The following ULK4 variants were observed in gnomAD, a reference collection of about 807,000 sequenced individuals.
ULK4 encodes inactive serine/threonine-protein kinase ULK4.
ULK4 carries 133 observed loss-of-function variants against 160.6 expected under a neutral mutation model. That is an observed-to-expected ratio of 0.83 (90% CI 0.72 to 0.96). ULK4 has a LOEUF of 0.96. Ranked by LOEUF, ULK4 falls within the 40% of genes least tolerant of loss-of-function variation. The pLI is 0.00. For synonymous variants in ULK4, 534 were observed against 539.8 expected, an observed-to-expected ratio of 0.99 and a Z score of 0.15; for missense variants, 1,580 against 1,499.5, an observed-to-expected ratio of 1.05 and a Z score of -0.89.
chr3:41,664,270 G>A (rs2035283094), intron 29 of ULK4, among the ~76,000 whole-genome samples: 1 of 152,110 alleles, frequency 6.6e-6, no homozygotes, highest in South Asian at 2.1e-4. Flanking sequence ...TCAGAGACTC[G>A]CTAGAGAATT....
intron 35 of ULK4, among the ~76,000 whole-genome samples, chr3:41,276,142 C>T (rs573078216): frequency 6.6e-6 from 1 of 152,316 alleles, no homozygotes; most frequent in South Asian, 2.1e-4. Context: ...AATGGCTCAC[C>T]TCAAACTGTG....
At chr3:41,791,560 G>C (rs982099931) in intron 20 of ULK4, among the ~76,000 whole-genome samples, 1 of 152,152 alleles carries the variant, frequency 6.6e-6, no homozygotes, top group African/African-American at 2.4e-5. Flanking sequence ...AGAGATGGGA[G>C]GTAGGAATGG....
At chr3:41,590,461 CA>C (rs71075479) in intron 31 of ULK4, among the ~76,000 whole-genome samples, 1,490 of 56,860 alleles carry the variant, frequency 0.026, 13 homozygotes, top group African/African-American at 0.079. Context: ...ACTAAAAATA[CA>C]AAAAAAAAAA....
intron 32 of ULK4, among the ~76,000 whole-genome samples, chr3:41,540,318 G>C (rs2125951821): frequency 6.6e-6 from 1 of 152,222 alleles, no homozygotes; most frequent in East Asian, 1.9e-4. Flanking sequence ...ATAGTTTGCA[G>C]AGAACGATGG....
intron 31 of ULK4, among the ~76,000 whole-genome samples, chr3:41,599,096 C>T (rs146735754): frequency 1.3e-5 from 2 of 152,238 alleles, no homozygotes; most frequent in Non-Finnish European, 2.9e-5. Context: ...CTGACACTTC[C>T]TTTTTCTACC....
At chr3:41,319,225 T>C (rs1023854606) in intron 35 of ULK4, among the ~76,000 whole-genome samples, 4 of 152,098 alleles carry the variant, frequency 2.6e-5, no homozygotes, top group African/African-American at 9.7e-5. Flanking sequence ...CATCTTCGTG[T>C]GGGGGCACTA....
chr3:41,602,285 GGA>G (rs2032126869), intron 31 of ULK4, among the ~76,000 whole-genome samples: 1 of 112,678 alleles, frequency 8.9e-6, no homozygotes, highest in African/African-American at 4.1e-5. Flanking sequence ...GGAAAGGAAA[GGA>G]AAGGAAAGGA....
Position 41,398,283 on chromosome 3 carries a change from G to C in ULK4, c.3493-19C>G. On this transcript the variant is annotated intron_variant, in intron 34 of 36. Coordinates refer to ENST00000301831, the MANE Select transcript of ULK4 (RefSeq NM_017886.4). Reference sequence around the variant, plus strand: ...TAGGAAGCTGAAAATTAACAAATAAGACTATTTAAATTTCCTTGAAGACGG... The same window carrying C: ...TAGGAAGCTGAAAATTAACAAATAACACTATTTAAATTTCCTTGAAGACGG... 1 of 1,605,498 alleles carries C rather than the reference G, an allele frequency of 6.2e-7. No individual in the cohort carries two copies. The highest frequency in any genetic ancestry group is 1.3e-5 in the African/African-American group (1 of 74,182).
intron 21 of ULK4, among the ~76,000 whole-genome samples, chr3:41,781,888 G>A (rs1460515749): frequency 2.6e-5 from 4 of 151,834 alleles, no homozygotes; most frequent in East Asian, 2.0e-4. Context: ...GCAGTGAGCC[G>A]AGATCATGCC....
At chr3:41,897,719 A>G (rs1047580782) in intron 14 of ULK4, among the ~76,000 whole-genome samples, 3 of 152,182 alleles carry the variant, frequency 2.0e-5, no homozygotes, top group African/African-American at 7.2e-5. Flanking sequence ...CCTTCTACAC[A>G]GTTTCTTTTT....
At chr3:41,776,690 T>C (rs2125577268) in intron 21 of ULK4, among the ~76,000 whole-genome samples, 1 of 113,356 alleles carries the variant, frequency 8.8e-6, no homozygotes, top group Admixed American at 8.5e-5. Context: ...CATGTGGTTT[T>C]TGTCTTTGGC....
At chr3:41,268,348 T>C (rs983440525) in intron 35 of ULK4, among the ~76,000 whole-genome samples, 29 of 152,146 alleles carry the variant, frequency 1.9e-4, no homozygotes, top group African/African-American at 6.3e-4. Flanking sequence ...TCTCCTGAGG[T>C]TGAAGTCTTG....
At chr3:41,744,147 AG>A (rs1559522367) in intron 22 of ULK4, among the ~76,000 whole-genome samples, 1 of 151,926 alleles carries the variant, frequency 6.6e-6, no homozygotes, top group Non-Finnish European at 1.5e-5. Context: ...ACCCAAAGAA[AG>A]GTAAGTAAAG....
chr3:41,654,951 A>G (rs2034873858), intron 30 of ULK4, among the ~76,000 whole-genome samples: 1 of 152,210 alleles, frequency 6.6e-6, no homozygotes, highest in South Asian at 2.1e-4. Flanking sequence ...TCTCACTGTG[A>G]GGCTTTTCAA....
chr3:41,320,747 T>C (rs906600085), intron 35 of ULK4, among the ~76,000 whole-genome samples: 1 of 145,042 alleles, frequency 6.9e-6, no homozygotes, highest in Non-Finnish European at 1.5e-5. Context: ...TGAAACCCTG[T>C]CTCTGCTATA....
intron 25 of ULK4, among the ~76,000 whole-genome samples, chr3:41,712,383 A>G (rs1049761018): frequency 1.3e-5 from 2 of 152,178 alleles, no homozygotes; most frequent in Admixed American, 6.5e-5. Context: ...CCAGCAGCTC[A>G]TGAAGAGCTG....
chr3:41,934,493 T>A (rs556345658), intron 4 of ULK4, among the ~76,000 whole-genome samples: 6 of 152,194 alleles, frequency 3.9e-5, no homozygotes, highest in African/African-American at 1.4e-4. Flanking sequence ...ATAAACACAA[T>A]AACTGACATC....
chr3:41,586,712 T>A (rs2030833822), intron 31 of ULK4, among the ~76,000 whole-genome samples: 1 of 152,074 alleles, frequency 6.6e-6, no homozygotes, highest in Non-Finnish European at 1.5e-5. Flanking sequence ...TTAAATGACA[T>A]ATGAGAATGT....
intron 32 of ULK4, among the ~76,000 whole-genome samples, chr3:41,540,137 G>A (rs2086644209): frequency 6.6e-6 from 1 of 152,010 alleles, no homozygotes; most frequent in Non-Finnish European, 1.5e-5. Context: ...TGTTACATTT[G>A]CCATGGTGGT....
Sources: gnomAD v4.1 joint callset for allele counts (sites outside exome capture counted in the v4.1 genomes callset) on GRCh38, gnomAD v4.1.1 for gene constraint, MANE v1.5 for transcripts, NCBI Gene and HGNC (gene_info 2026-07-23, HGNC 2026-07-21) for gene names.